NHSL1: variants seen among roughly 807,000 people sequenced by gnomAD.
NHSL1 encodes NHS like 1.
A neutral mutation model predicts 95.0 loss-of-function variants in NHSL1; 48 were observed. The observed-to-expected ratio is 0.51, with a 90% confidence interval of 0.40 to 0.64. NHSL1 has a LOEUF of 0.64. Ranked by LOEUF, NHSL1 falls within the 30% of genes least tolerant of loss-of-function variation. The pLI is 0.00. For synonymous variants in NHSL1, 783 were observed against 833.9 expected, an observed-to-expected ratio of 0.94 and a Z score of 1.05; for missense variants, 1,971 against 2,077.7, an observed-to-expected ratio of 0.95 and a Z score of 1.00.
chr6:138,472,536 T>C (rs373014406), intron 3 of NHSL1, among the ~76,000 whole-genome samples: 8 of 152,246 alleles, frequency 5.3e-5, no homozygotes, highest in Admixed American at 6.5e-5. Flanking sequence ...CCTAATTCCA[T>C]TGAAAGTTTT....
Position 138,431,092 on chromosome 6 carries a change from A to AG in NHSL1, c.3252dup (p.Ser1085LeufsTer4). ...GACAACTGTGCCGCCTCAGCGCCTG[A>AG]GTTCTTTCTCACGGGCCTCAACTGC... On this transcript the variant is annotated frameshift_variant, in exon 6 of 8. Coordinates refer to ENST00000343505, the MANE Select transcript of NHSL1 (RefSeq NM_001144060.2). LOFTEE classifies it high-confidence loss of function. The surrounding 1 kb of genome is among the most constrained non-coding windows in gnomAD (Gnocchi z 4.0). 1 of 1,551,832 alleles carries AG rather than the reference A, an allele frequency of 6.4e-7. No individual in the cohort carries two copies. The highest frequency in any genetic ancestry group is 8.7e-7 in the Non-Finnish European group (1 of 1,147,040).
rs191204534 is a variant in NHSL1 at position 138,683,923 on chromosome 6, G to A, written c.96+8553C>T. ...CATCATCAGGCAATACAAAACCCCT[G>A]CAAAGCACTGGGCACAGTGGCTCAT... On this transcript the variant is annotated intron_variant, in intron 1 of 3. Transcript: ENST00000491526. Among the ~76,000 whole-genome samples, 41 of 152,302 alleles carry A rather than the reference G, an allele frequency of 2.7e-4. 1 individual carries two copies. The highest frequency in any genetic ancestry group is 8.9e-4 in the African/African-American group (37 of 41,574).
At chr6:138,635,181 G>C (rs566471762) in intron 1 of NHSL1, among the ~76,000 whole-genome samples, 1 of 151,096 alleles carries the variant, frequency 6.6e-6, no homozygotes, top group Non-Finnish European at 1.5e-5. Context: ...AATAATAAAA[G>C]ATCAGAGCAG....
chr6:138,643,342 TG>T (rs34309981), intron 1 of NHSL1, among the ~76,000 whole-genome samples: 1 of 152,174 alleles, frequency 6.6e-6, no homozygotes, highest in Non-Finnish European at 1.5e-5. Flanking sequence ...ACATCCTCCA[TG>T]GGGTGGTGCA....
In NHSL1 at chr6:138,689,798, TG is replaced by T. The variant is rs1285846265; in HGVS notation, c.96+2677del. On this transcript the variant is annotated intron_variant, in intron 1 of 3. Coordinates refer to the NHSL1 transcript ENST00000491526. ...CCCATTTCCACACCTTTTTTTTTTTTGAGACAGTCTCGCTAATTTTTGTATT... is the reference window on the plus strand; with the variant it reads ...CCCATTTCCACACCTTTTTTTTTTTTAGACAGTCTCGCTAATTTTTGTATT... Among the ~76,000 whole-genome samples, 3 of 152,022 alleles carry T rather than the reference TG, an allele frequency of 2.0e-5. No homozygotes were observed. In the East Asian group the frequency reaches 5.8e-4, roughly 29 times the overall value.
chr6:138,576,233 C>A (rs1346647327), upstream of NHSL1, among the ~76,000 whole-genome samples: 1 of 152,080 alleles, frequency 6.6e-6, no homozygotes, highest in East Asian at 1.9e-4. Context: ...GTCAGGTGAT[C>A]TGCCCGCCTC....
chr6:138,669,995 C>G (rs780720366), intron 1 of NHSL1, among the ~76,000 whole-genome samples: 1 of 152,072 alleles, frequency 6.6e-6, no homozygotes, highest in Non-Finnish European at 1.5e-5. Flanking sequence ...GTAACATGTG[C>G]CTGTAATCCC....
intron 1 of NHSL1, among the ~76,000 whole-genome samples, chr6:138,539,031 C>A (rs769394191): frequency 2.6e-5 from 4 of 151,980 alleles, no homozygotes; most frequent in Non-Finnish European, 4.4e-5. Flanking sequence ...ACAGTAACAA[C>A]AACAAAAAAA....
At chr6:138,672,487 T>C (rs1206821983) in intron 1 of NHSL1, among the ~76,000 whole-genome samples, 1 of 151,508 alleles carries the variant, frequency 6.6e-6, no homozygotes, top group Non-Finnish European at 1.5e-5. Flanking sequence ...TTAAAAACCA[T>C]AGTATACTAA....
chr6:138,590,712 G>A (rs530030485), intron 1 of NHSL1, among the ~76,000 whole-genome samples: 7 of 152,252 alleles, frequency 4.6e-5, no homozygotes, highest in African/African-American at 7.2e-5. Context: ...TGGGAGAATC[G>A]GCATAGTACC....
chr6:138,688,944 T>C (rs1482634318), intron 1 of NHSL1, among the ~76,000 whole-genome samples: 1 of 152,192 alleles, frequency 6.6e-6, no homozygotes, highest in East Asian at 1.9e-4. Context: ...GTATTGTATT[T>C]TTAGTATTGT....
At chr6:138,443,060 CACAT>C (rs199873809) in intron 4 of NHSL1, among the ~76,000 whole-genome samples, 9 of 151,036 alleles carry the variant, frequency 6.0e-5, no homozygotes, top group Admixed American at 1.3e-4. Flanking sequence ...TATACACACA[CACAT>C]ATATATATAT....
intron 1 of NHSL1, among the ~76,000 whole-genome samples, chr6:138,633,218 G>C (rs1562397993): frequency 6.6e-6 from 1 of 152,154 alleles, no homozygotes; most frequent in African/African-American, 2.4e-5. Flanking sequence ...GCCTCAAAGA[G>C]ACAAATGTAT....
chr6:138,457,968 AC>A (rs1478230641), intron 3 of NHSL1, among the ~76,000 whole-genome samples: 1 of 150,388 alleles, frequency 6.6e-6, no homozygotes, highest in Non-Finnish European at 1.5e-5. Flanking sequence ...AGATTGTGCC[AC>A]TGTACTCCAG....
chr6:138,514,174 C>T (rs535370438), intron 1 of NHSL1, among the ~76,000 whole-genome samples: 75 of 151,978 alleles, frequency 4.9e-4, no homozygotes, highest in African/African-American at 1.6e-3. Flanking sequence ...AAAAATTAGC[C>T]GGGCGTGGTG....
At chr6:138,611,746 A>T (rs1340924821) in intron 1 of NHSL1, among the ~76,000 whole-genome samples, 1 of 148,698 alleles carries the variant, frequency 6.7e-6, no homozygotes, top group Non-Finnish European at 1.5e-5. Flanking sequence ...ACTCCAACAC[A>T]AAATAAAAAT....
intron 1 of NHSL1, among the ~76,000 whole-genome samples, chr6:138,569,382 A>G (rs1432952642): frequency 6.6e-6 from 1 of 151,980 alleles, no homozygotes. Flanking sequence ...AATGTAAGTT[A>G]GGGGGGTTGC....
At chr6:138,662,649 G>A (rs1478854198) in intron 1 of NHSL1, among the ~76,000 whole-genome samples, 1 of 152,098 alleles carries the variant, frequency 6.6e-6, no homozygotes, top group African/African-American at 2.4e-5. Flanking sequence ...AATGCTGCAA[G>A]ACTGGCTACT....
chr6:138,650,489 AT>A, intron 1 of NHSL1: 1 of 784,894 alleles, frequency 1.3e-6, no homozygotes, highest in Non-Finnish European at 2.2e-6. Context: ...GGAGGCTGTC[AT>A]CCACCAGGTA....
Sources: allele counts gnomAD v4.1 joint callset (sites outside exome capture counted in the v4.1 genomes callset), GRCh38; gene constraint gnomAD v4.1.1; non-coding constraint Gnocchi (gnomAD v3.1); transcripts MANE v1.5; gene names NCBI Gene and HGNC (gene_info 2026-07-23, HGNC 2026-07-21).